STK10: variants seen among roughly 807,000 people sequenced by gnomAD.
The protein encoded by STK10 is serine/threonine kinase 10.
STK10 carries 78 observed loss-of-function variants against 113.8 expected under a neutral mutation model. That is an observed-to-expected ratio of 0.69 (90% CI 0.57 to 0.83). The LOEUF (loss-of-function observed/expected upper bound fraction) is 0.83. STK10 is among the 40% of genes least tolerant of loss of function. The pLI, the probability that STK10 is intolerant of heterozygous loss-of-function variation, is 0.00. For synonymous variants in STK10, 465 were observed against 494.7 expected (o/e 0.94, Z 0.80); for missense variants, 1,109 against 1,280.1 (o/e 0.87, Z 2.04).
At chr5:172,158,880 T>C (rs1359516259) in intron 1 of STK10, among the ~76,000 whole-genome samples, 3 of 152,040 alleles carry the variant, frequency 2.0e-5, no homozygotes, top group African/African-American at 7.3e-5. Context: ...TTCCAGGGGT[T>C]AGAAAGGGGA....
At chr5:172,076,414 C>CT (rs530416237) in intron 12 of STK10, among the ~76,000 whole-genome samples, 1 of 45,860 alleles carries the variant, frequency 2.2e-5, no homozygotes, top group African/African-American at 1.5e-4. Flanking sequence ...GTTGTGGGGG[C>CT]GTCCTGTGCG....
intron 2 of STK10, among the ~76,000 whole-genome samples, chr5:172,151,365 G>A (rs910119705): frequency 3.5e-4 from 53 of 150,834 alleles, no homozygotes; most frequent in Admixed American, 8.6e-4. Context: ...TTTTAATTGA[G>A]TCAGAGTCTC....
chr5:172,086,804 G>A (rs994822280), intron 10 of STK10, among the ~76,000 whole-genome samples: 1 of 152,114 alleles, frequency 6.6e-6, no homozygotes, highest in East Asian at 1.9e-4. Context: ...GGTTCCTGCC[G>A]AGCACCTCTT....
chr5:172,056,210 G>A (rs1327283730), intron 15 of STK10, among the ~76,000 whole-genome samples: 2 of 152,154 alleles, frequency 1.3e-5, no homozygotes, highest in African/African-American at 2.4e-5. Context: ...AGCCTTCCCC[G>A]ATTTCTTCAC....
intron 18 of STK10, 130 bp from the exon 19 acceptor site, chr5:172,045,152 C>T: frequency 1.5e-6 from 2 of 1,359,498 alleles, no homozygotes; most frequent in Non-Finnish European, 2.0e-6. Context: ...GCTTGAGAAA[C>T]TACGGCTTCC....
intron 1 of STK10, among the ~76,000 whole-genome samples, chr5:172,165,856 C>T (rs1383754409): frequency 6.6e-6 from 1 of 151,314 alleles, no homozygotes; most frequent in Non-Finnish European, 1.5e-5. Flanking sequence ...TGCAATGGTG[C>T]GATCTTGGCT....
intron 10 of STK10, among the ~76,000 whole-genome samples, chr5:172,089,909 A>G (rs1581150071): frequency 1.3e-5 from 2 of 151,410 alleles, no homozygotes; most frequent in East Asian, 1.9e-4. Flanking sequence ...GGATGGATGG[A>G]AAGTTGAGTG....
At chr5:172,117,744 G>GCCACCACGCC in intron 3 of STK10, 114 bp from the exon 4 acceptor site, 1 of 1,416,630 alleles carries the variant, frequency 7.1e-7, no homozygotes, top group Non-Finnish European at 9.5e-7. Context: ...GCCAGGCGTG[G>GCCACCACGCC]TGGCTCACGC....
intron 6 of STK10, among the ~76,000 whole-genome samples, 167 bp downstream of exon 6, chr5:172,106,453 G>C (rs1055719155): frequency 3.2e-5 from 3 of 92,540 alleles, no homozygotes. Flanking sequence ...CGAAGGGCCC[G>C]GGGGGGCTCA....
Position 172,093,930 on chromosome 5 carries a change from C to CAGA in STK10, c.1033_1035dup (p.Ser345dup), listed in dbSNP as rs777255193. ...GCATTGAGGCTTGGCGGACTCACCT[C>CAGA]AGAGGAGTTCTGAGTATGGTTCTCC... On this transcript the variant is annotated inframe_insertion, in exon 9 of 19. Coordinates refer to ENST00000176763, the MANE Select transcript of STK10 (RefSeq NM_005990.4). This position sits in a 1 kb window ranked among gnomAD's most constrained non-coding sequence, Gnocchi z 4.1. The CAGA allele has an allele frequency of 1.7e-4, 262 of 1,514,534 alleles. 1 individual carries two copies. In the Middle Eastern group the frequency reaches 4.9e-3, roughly 28 times the overall value. The allele number at this position is 1,514,534 out of a possible 1,614,324, so 93.8% of individuals were successfully genotyped here.
intron 2 of STK10, among the ~76,000 whole-genome samples, chr5:172,155,972 G>T (rs1770339186): frequency 6.6e-6 from 1 of 151,858 alleles, no homozygotes. Context: ...TCCAGCCTGG[G>T]CAACAGAACG....
chr5:172,137,030 G>A (rs771300923), intron 2 of STK10, among the ~76,000 whole-genome samples: 2 of 141,628 alleles, frequency 1.4e-5, no homozygotes, highest in African/African-American at 2.6e-5. Context: ...CAGTGTCCAC[G>A]TGTTCTCACT....
chr5:172,110,941 T>G (rs913563476), intron 4 of STK10, among the ~76,000 whole-genome samples: 2 of 151,572 alleles, frequency 1.3e-5, no homozygotes, highest in African/African-American at 4.9e-5. Context: ...CTCCTGGGAG[T>G]GGTCAGGAAA....
At chr5:172,062,152 AT>A (rs1767952010) in intron 13 of STK10, among the ~76,000 whole-genome samples, 1 of 151,702 alleles carries the variant, frequency 6.6e-6, no homozygotes, top group African/African-American at 2.4e-5. Flanking sequence ...TAACTTTTGT[AT>A]TTTTAGTAGA....
rs1435306494 is a variant in STK10 at position 172,187,191 on chromosome 5, C to A, written c.156+696G>T. Among the ~76,000 whole-genome samples the A allele has an allele frequency of 6.6e-6, 1 of 152,140 alleles. No individual in the cohort carries two copies. The highest frequency in any genetic ancestry group is 1.5e-5 in the Non-Finnish European group (1 of 68,026). On this transcript the variant is annotated intron_variant, in intron 1 of 18. Transcript: ENST00000176763. This position sits in a 1 kb window ranked among gnomAD's most constrained non-coding sequence, Gnocchi z 4.6. ...CCACCCACTCCACAAAAGCTCTCTG[C>A]CGCGTCTTCCTCTAGGGGAGAGGTG...
intron 8 of STK10, among the ~76,000 whole-genome samples, chr5:172,095,250 C>T (rs1768822194): frequency 2.0e-5 from 3 of 152,190 alleles, no homozygotes; most frequent in Admixed American, 2.0e-4. Flanking sequence ...TAGTCAACAC[C>T]CAGAGTGATG....
At chr5:172,109,030 C>T (rs1391378175) in intron 4 of STK10, among the ~76,000 whole-genome samples, 1 of 152,064 alleles carries the variant, frequency 6.6e-6, no homozygotes, top group Non-Finnish European at 1.5e-5. Context: ...GGTGGTCCAC[C>T]AGCCTTGGCC....
chr5:172,107,676 T>C (rs1214540029), intron 5 of STK10, 104 bp downstream of exon 5: 4 of 647,182 alleles, frequency 6.2e-6, no homozygotes, highest in Non-Finnish European at 6.7e-6. Flanking sequence ...AGGCAGGGCG[T>C]GTAGCCCTTG....
chr5:172,164,045 CT>C (rs1450479091), intron 1 of STK10, among the ~76,000 whole-genome samples: 1 of 151,802 alleles, frequency 6.6e-6, no homozygotes, highest in African/African-American at 2.4e-5. Flanking sequence ...AACCCCACCT[CT>C]ACTAAAAATA....
Sources: gnomAD v4.1 joint callset for allele counts (sites outside exome capture counted in the v4.1 genomes callset) on GRCh38, gnomAD v4.1.1 for gene constraint, Gnocchi (gnomAD v3.1) non-coding constraint, MANE v1.5 for transcripts, NCBI Gene and HGNC (gene_info 2026-07-23, HGNC 2026-07-21) for gene names.